The following SLC9C1 variants were observed in gnomAD, a reference collection of about 807,000 sequenced individuals.
The protein encoded by SLC9C1 is solute carrier family 9 member C1.
In SLC9C1, 97 loss-of-function variants were observed where a neutral mutation model predicts 140.9. The observed-to-expected ratio is 0.69, with a 90% CI of 0.58 to 0.82. SLC9C1 has a LOEUF of 0.82. Among genes scored for constraint, SLC9C1 ranks in the 40% least tolerant of loss-of-function variants. The probability of loss-of-function intolerance (pLI) is 0.00; values close to 1 mark genes in which losing one functional copy is unlikely to be tolerated. For synonymous variants in SLC9C1, 440 were observed against 442.6 expected, an observed-to-expected ratio of 0.99 and a Z score of 0.07; for missense variants, 1,340 against 1,389.3, an observed-to-expected ratio of 0.96 and a Z score of 0.56.
intron 10 of SLC9C1, among the ~76,000 whole-genome samples, chr3:112,262,408 G>C (rs1278540153): frequency 6.8e-6 from 1 of 145,988 alleles, no homozygotes; most frequent in African/African-American, 2.5e-5. Context: ...AGCATCAGAT[G>C]CTCTGTGATA....
At chr3:112,198,632 G>C (rs919148018) in intron 20 of SLC9C1, among the ~76,000 whole-genome samples, 18 of 151,952 alleles carry the variant, frequency 1.2e-4, no homozygotes, top group African/African-American at 4.1e-4. Flanking sequence ...CATTCTTAAT[G>C]AGGGTTAAAT....
chr3:112,196,589 CA>C (rs1434289291), intron 20 of SLC9C1, among the ~76,000 whole-genome samples: 6 of 152,172 alleles, frequency 3.9e-5, no homozygotes, highest in African/African-American at 9.7e-5. Flanking sequence ...TTCTGTTCCT[CA>C]GACATGTAAT....
chr3:112,141,452 C>T (rs58167335), intron 28 of SLC9C1, among the ~76,000 whole-genome samples, 171 bp from the exon 29 acceptor site: 9,525 of 152,128 alleles, frequency 0.063, 412 homozygotes, highest in East Asian at 0.19. Flanking sequence ...GTGTGAATCC[C>T]TTGTCACTCA....
At chr3:112,231,145 CCTTTCTTTCTTTCTTTCT>C (rs1164274510) in intron 13 of SLC9C1, among the ~76,000 whole-genome samples, 198 bp downstream of exon 13, 1 of 98,150 alleles carries the variant, frequency 1.0e-5, no homozygotes, top group African/African-American at 4.3e-5. Context: ...TCTTTTTCTC[CCTTTCTTTCTTTCTTTCT>C]CTTTCTTTCT....
rs557883834 is a variant in SLC9C1 at position 112,266,239 on chromosome 3, CAAG to C, written c.874_876del (p.Leu292del). The stretch of plus-strand genomic sequence containing the variant: ...AGTCAAAATATGCTATCCACTTACT[CAAG>C]AAGAAGTGTTTCTTCAATTGCTGCT... On this transcript the variant is annotated inframe_deletion and splice_region_variant, in exon 8 of 29. Coordinates refer to ENST00000305815, the MANE Select transcript of SLC9C1 (RefSeq NM_183061.3). The C allele has an allele frequency of 9.2e-5, 147 of 1,596,752 alleles. No individual in the cohort carries two copies. The African/African-American group carries it at 9.9e-4, about 11-fold the overall frequency.
intron 25 of SLC9C1, among the ~76,000 whole-genome samples, chr3:112,168,342 CA>C: frequency 9.0e-6 from 1 of 110,522 alleles, no homozygotes; most frequent in African/African-American, 3.1e-5. Flanking sequence ...CACACACACA[CA>C]CACACACACA....
intron 3 of SLC9C1, 66 bp from the exon 4 acceptor site, chr3:112,278,923 G>A: frequency 6.7e-7 from 1 of 1,493,868 alleles, no homozygotes; most frequent in Non-Finnish European, 9.0e-7. Context: ...TACATGCTAG[G>A]TGCTCCTAAA....
chr3:112,177,735 A>T (rs2077366279), intron 23 of SLC9C1, among the ~76,000 whole-genome samples: 1 of 150,478 alleles, frequency 6.6e-6, no homozygotes, highest in African/African-American at 2.4e-5. Flanking sequence ...AAAAAAAAAA[A>T]AATTAAATAG....
At chr3:112,176,495 C>CCAATCTA (rs1431199816) in intron 23 of SLC9C1, among the ~76,000 whole-genome samples, 1 of 152,220 alleles carries the variant, frequency 6.6e-6, no homozygotes, top group Non-Finnish European at 1.5e-5. Context: ...AAGTCTTTGA[C>CCAATCTA]CAATCTATAG....
At chr3:112,202,117 G>GT (rs2077920612) in intron 18 of SLC9C1, 133 bp downstream of exon 18, 6 of 1,009,096 alleles carry the variant, frequency 5.9e-6, no homozygotes, top group Non-Finnish European at 8.8e-6. Flanking sequence ...ATGTAACCTA[G>GT]TTTAAGTTTT....
chr3:112,163,522 G>A (rs991520571), intron 26 of SLC9C1, among the ~76,000 whole-genome samples: 9 of 151,888 alleles, frequency 5.9e-5, no homozygotes, highest in African/African-American at 1.9e-4. Flanking sequence ...CCTTCATTTC[G>A]TTATGTACCC....
At chr3:112,271,391 T>A (rs1559738925) in intron 6 of SLC9C1, among the ~76,000 whole-genome samples, 2 of 48,258 alleles carry the variant, frequency 4.1e-5, no homozygotes, top group Admixed American at 2.8e-4. Flanking sequence ...TCATTCTACA[T>A]TGTATATATA....
intron 20 of SLC9C1, among the ~76,000 whole-genome samples, chr3:112,188,984 GTGA>G (rs1316006699): frequency 6.6e-6 from 1 of 152,190 alleles, no homozygotes; most frequent in Non-Finnish European, 1.5e-5. Context: ...CTGATGACTA[GTGA>G]TGATGAGCAT....
chr3:112,253,627 G>A (rs969723671), intron 10 of SLC9C1, among the ~76,000 whole-genome samples: 8 of 152,180 alleles, frequency 5.3e-5, no homozygotes, highest in African/African-American at 1.9e-4. Flanking sequence ...TCTACTGACT[G>A]CACACAATCT....
At chr3:112,220,047 G>A (rs1258789983) in intron 14 of SLC9C1, among the ~76,000 whole-genome samples, 1 of 152,006 alleles carries the variant, frequency 6.6e-6, no homozygotes, top group African/African-American at 2.4e-5. Flanking sequence ...AACTTTACTA[G>A]GTCACCTAAA....
At chr3:112,183,106 A>T (rs2077468692) in intron 20 of SLC9C1, among the ~76,000 whole-genome samples, 1 of 152,150 alleles carries the variant, frequency 6.6e-6, no homozygotes, top group African/African-American at 2.4e-5. Flanking sequence ...GTATATGGTT[A>T]TCTAATCCGA....
chr3:112,147,611 C>A (rs1036471117), intron 28 of SLC9C1: 50 of 324,394 alleles, frequency 1.5e-4, no homozygotes, highest in Admixed American at 1.2e-3. Flanking sequence ...TATAGATCCC[C>A]AGTCTCTCCT....
At chr3:112,271,810 C>T (rs1192356605) in intron 6 of SLC9C1, among the ~76,000 whole-genome samples, 2 of 152,080 alleles carry the variant, frequency 1.3e-5, no homozygotes, top group Non-Finnish European at 2.9e-5. Flanking sequence ...GTTGGCCTGC[C>T]AAAGTGACTG....
chr3:112,282,255 G>A (rs1403703165), intron 2 of SLC9C1, among the ~76,000 whole-genome samples: 1 of 152,188 alleles, frequency 6.6e-6, no homozygotes, highest in Non-Finnish European at 1.5e-5. Context: ...CGATCCTGAA[G>A]ACAAAGCACA....
Sources: gnomAD v4.1 joint callset for allele counts (sites outside exome capture counted in the v4.1 genomes callset) on GRCh38, gnomAD v4.1.1 for gene constraint, MANE v1.5 for transcripts, NCBI Gene and HGNC (gene_info 2026-07-23, HGNC 2026-07-21) for gene names.